NFIB: variants seen among roughly 807,000 people sequenced by gnomAD.
NFIB encodes nuclear factor I B.
Under a neutral mutation model 61.5 loss-of-function variants are expected in NFIB, and 11 were observed. That is an observed-to-expected ratio of 0.18 (90% confidence interval 0.11 to 0.30). The LOEUF (loss-of-function observed/expected upper bound fraction) is 0.30, where lower values mean the gene tolerates loss of function less well. Ranked by LOEUF, NFIB falls within the 10% of genes least tolerant of loss-of-function variation. NFIB has a pLI of 1.00. For missense variants in NFIB, 471 were observed against 608.9 expected, an observed-to-expected ratio of 0.77 and a Z score of 2.38; for synonymous variants, 260 against 216.5, an observed-to-expected ratio of 1.20 and a Z score of -1.76.
At chr9:14,312,818 A>C (rs2060346271) in intron 1 of NFIB, among the ~76,000 whole-genome samples, 1 of 152,192 alleles carries the variant, frequency 6.6e-6, no homozygotes, top group Non-Finnish European at 1.5e-5. Context: ...AAAACTCCTT[A>C]ACAATCACCA....
intron 10 of NFIB, among the ~76,000 whole-genome samples, chr9:14,111,617 T>C (rs934196068): frequency 1.3e-5 from 2 of 152,086 alleles, no homozygotes; most frequent in Non-Finnish European, 2.9e-5. Flanking sequence ...ATCTGTCAAA[T>C]AGAACCATAT....
intron 2 of NFIB, among the ~76,000 whole-genome samples, chr9:14,290,250 A>C (rs1399167894): frequency 1.3e-5 from 2 of 152,072 alleles, no homozygotes; most frequent in Non-Finnish European, 2.9e-5. Flanking sequence ...TAGCAATTAC[A>C]GTATTTAAAT....
the NFIB span, among the ~76,000 whole-genome samples, chr9:14,516,036 G>A: frequency 5.9e-4 from 90 of 152,338 alleles, no homozygotes; most frequent in Middle Eastern, 3.4e-3. Context: ...AAAGCCATTG[G>A]CGAGCACCTG....
At chr9:14,512,155 C>T in the NFIB span, among the ~76,000 whole-genome samples, 52 of 152,214 alleles carry the variant, frequency 3.4e-4, no homozygotes, top group African/African-American at 1.2e-3. Context: ...CCAAGATGTC[C>T]CATGAGTAGC....
chr9:14,464,167 TAGAG>T, the NFIB span, among the ~76,000 whole-genome samples: 1 of 152,132 alleles, frequency 6.6e-6, no homozygotes, highest in Non-Finnish European at 1.5e-5. Context: ...AAATTGAAGA[TAGAG>T]AGACCAGGAT....
At chr9:14,213,562 T>G (rs2050536023) in intron 2 of NFIB, among the ~76,000 whole-genome samples, 1 of 152,214 alleles carries the variant, frequency 6.6e-6, no homozygotes, top group Non-Finnish European at 1.5e-5. Flanking sequence ...CTGCTGGTCG[T>G]GGGACCAAAC....
intron 2 of NFIB, among the ~76,000 whole-genome samples, chr9:14,235,626 A>G (rs1482257411): frequency 2.6e-5 from 4 of 152,196 alleles, no homozygotes; most frequent in Non-Finnish European, 5.9e-5. Flanking sequence ...TTTTTAAAAA[A>G]AGCACTGTTG....
At chr9:14,363,945 A>C (rs919350616) in intron 1 of NFIB, among the ~76,000 whole-genome samples, 3 of 152,008 alleles carry the variant, frequency 2.0e-5, no homozygotes, top group Non-Finnish European at 4.4e-5. Flanking sequence ...ACTCTCCTTA[A>C]CCAATTGCCT....
At chr9:14,434,879 G>C in the NFIB span, among the ~76,000 whole-genome samples, 2 of 152,148 alleles carry the variant, frequency 1.3e-5, no homozygotes, top group Admixed American at 1.3e-4. Flanking sequence ...ATACAGAGAG[G>C]ACCTGGGAAC....
In NFIB at chr9:14,087,173, C is replaced by T. The variant is rs41313778; in HGVS notation, c.*1136G>A. On this transcript the variant is annotated 3_prime_UTR_variant, in exon 11 of 11. Coordinates refer to ENST00000380953, the MANE Select transcript of NFIB (RefSeq NM_001190737.2). Reference sequence around the variant, plus strand: ...ACACCCTATGGGTTCTTGATGCAACCAGTAATTTTAAATAAATAAATTCTA... The same window carrying T: ...ACACCCTATGGGTTCTTGATGCAACTAGTAATTTTAAATAAATAAATTCTA... The T allele has an allele frequency of 4.6e-3, 918 of 200,546 alleles. 5 individuals are homozygous for T. Among genetic ancestry groups the T allele is most frequent in the Admixed American group, 7.0e-3 (117 of 16,608 alleles). 12.4% of individuals were successfully genotyped at this position (200,546 alleles called of 1,614,324 possible).
chr9:14,524,362 C>T, the NFIB span, among the ~76,000 whole-genome samples: 1 of 152,150 alleles, frequency 6.6e-6, no homozygotes, highest in African/African-American at 2.4e-5. Context: ...GTAATATTCT[C>T]TCTCACAACC....
At chr9:14,401,302 C>T (rs1564060244), upstream of NFIB, among the ~76,000 whole-genome samples, 1 of 152,220 alleles carries the variant, frequency 6.6e-6, no homozygotes, top group South Asian at 2.1e-4. Context: ...CTCTCTTCTA[C>T]CTGCTCTATT....
chr9:14,105,810 A>G (rs1404837063), intron 10 of NFIB, among the ~76,000 whole-genome samples: 1 of 152,174 alleles, frequency 6.6e-6, no homozygotes, highest in Non-Finnish European at 1.5e-5. Flanking sequence ...GTCATGTTAC[A>G]TATTCTTGCC....
intron 3 of NFIB, among the ~76,000 whole-genome samples, chr9:14,172,641 C>T (rs889943706): frequency 5.3e-5 from 8 of 152,204 alleles, no homozygotes; most frequent in African/African-American, 1.9e-4. Context: ...AATTCTATTT[C>T]ATCATGAGAC....
chr9:14,510,687 G>A, the NFIB span, among the ~76,000 whole-genome samples: 313 of 152,064 alleles, frequency 2.1e-3, 3 homozygotes, highest in African/African-American at 7.2e-3. Flanking sequence ...GCTTTCTTGT[G>A]TGAAATTGGA....
rs899270112 is a variant in NFIB, at chr9:14,151,200, C to T, written c.686-935G>A. 4.6e-5 allele frequency among the ~76,000 whole-genome samples: 7 copies of T among 152,126 alleles called. No individual in the cohort carries two copies. The East Asian group carries it at 1.2e-3, about 25-fold the overall frequency. ...CTAGAATCATGCCTAGTGTATAACACGTGCTCAACCATTGTGAGTTCCCTT... is the reference window on the plus strand; with the variant it reads ...CTAGAATCATGCCTAGTGTATAACATGTGCTCAACCATTGTGAGTTCCCTT... On this transcript the variant is annotated intron_variant, in intron 4 of 10. Coordinates refer to ENST00000380953, the MANE Select transcript of NFIB (RefSeq NM_001190737.2).
intron 1 of NFIB, among the ~76,000 whole-genome samples, chr9:14,360,156 C>T (rs1248970155): frequency 6.6e-6 from 1 of 152,158 alleles, no homozygotes; most frequent in Non-Finnish European, 1.5e-5. Context: ...CAGTGAACAA[C>T]TTAAGACCTA....
At chr9:14,219,379 GGT>G (rs2051346582) in intron 2 of NFIB, among the ~76,000 whole-genome samples, 1 of 11,402 alleles carries the variant, frequency 8.8e-5, no homozygotes, top group East Asian at 1.4e-3. Flanking sequence ...GTAGCACTAG[GGT>G]AAAAAAAAAA....
At chr9:14,531,567 G>T in the NFIB span, among the ~76,000 whole-genome samples, 1 of 151,842 alleles carries the variant, frequency 6.6e-6, no homozygotes, top group African/African-American at 2.4e-5. Context: ...ACATTACTCT[G>T]TTTTAAGACC....
Sources: allele counts gnomAD v4.1 joint callset (sites outside exome capture counted in the v4.1 genomes callset), GRCh38; gene constraint gnomAD v4.1.1; transcripts MANE v1.5; gene names NCBI Gene and HGNC (gene_info 2026-07-23, HGNC 2026-07-21).